The following CACNA1D variants were observed in gnomAD, a reference collection of about 807,000 sequenced individuals.
CACNA1D encodes the protein voltage-dependent L-type calcium channel subunit alpha-1D.
CACNA1D carries 55 observed loss-of-function variants against 257.1 expected under a neutral mutation model. The observed-to-expected ratio is 0.21, with a 90% CI of 0.17 to 0.27. CACNA1D has a LOEUF of 0.27. Among genes scored for constraint, CACNA1D ranks in the 10% least tolerant of loss-of-function variants. The pLI, the probability that CACNA1D is intolerant of heterozygous loss-of-function variation, is 1.00. For synonymous variants in CACNA1D, 980 were observed against 1,014.9 expected, an observed-to-expected ratio of 0.97 and a Z score of 0.65; for missense variants, 1,876 against 2,784.0, an observed-to-expected ratio of 0.67 and a Z score of 7.34.
chr3:53,758,154 A>G (rs1348478376), intron 29 of CACNA1D, among the ~76,000 whole-genome samples: 1 of 152,164 alleles, frequency 6.6e-6, no homozygotes, highest in Non-Finnish European at 1.5e-5. Context: ...GGTAGAGCAG[A>G]GTGGAGCACA....
chr3:53,713,260 T>C (rs529054422), intron 9 of CACNA1D, among the ~76,000 whole-genome samples: 1 of 152,176 alleles, frequency 6.6e-6, no homozygotes, highest in Non-Finnish European at 1.5e-5. Context: ...ATCTTAGAGA[T>C]GATACTGTCC....
intron 3 of CACNA1D, among the ~76,000 whole-genome samples, chr3:53,641,133 G>A (rs1228070404): frequency 6.6e-6 from 1 of 152,170 alleles, no homozygotes; most frequent in Non-Finnish European, 1.5e-5. Flanking sequence ...GGAGGAAGGG[G>A]CATCAGGAGG....
At chr3:53,567,784 G>A (rs1220897590) in intron 3 of CACNA1D, among the ~76,000 whole-genome samples, 1 of 152,214 alleles carries the variant, frequency 6.6e-6, no homozygotes, top group Non-Finnish European at 1.5e-5. Flanking sequence ...GACATGTCTT[G>A]TATACACTGC....
intron 40 of CACNA1D, among the ~76,000 whole-genome samples, chr3:53,788,275 G>A (rs927112878): frequency 6.6e-5 from 10 of 152,138 alleles, no homozygotes; most frequent in African/African-American, 2.2e-4. Context: ...GGGGAAAGAG[G>A]CATATGCGGG....
chr3:53,671,622 T>C (rs2094323798), intron 7 of CACNA1D, among the ~76,000 whole-genome samples: 1 of 152,256 alleles, frequency 6.6e-6, no homozygotes, highest in Non-Finnish European at 1.5e-5. Flanking sequence ...CAATGTAAGA[T>C]GTGCAGACTG....
chr3:53,700,221 C>T (rs967841049), intron 8 of CACNA1D, among the ~76,000 whole-genome samples: 3 of 151,578 alleles, frequency 2.0e-5, no homozygotes, highest in Non-Finnish European at 2.9e-5. Context: ...CCCAAGAACC[C>T]ATATATGATA....
At chr3:53,745,159 G>A (rs909508552) in intron 23 of CACNA1D, among the ~76,000 whole-genome samples, 1 of 151,266 alleles carries the variant, frequency 6.6e-6, no homozygotes, top group African/African-American at 2.4e-5. Flanking sequence ...AGGCTACTGG[G>A]TTTCTGTTTT....
chr3:53,752,637 G>T (rs1378280462), intron 28 of CACNA1D, among the ~76,000 whole-genome samples: 1 of 152,202 alleles, frequency 6.6e-6, no homozygotes, highest in Non-Finnish European at 1.5e-5. Context: ...GACCTCAGGT[G>T]ATCCGTTGCC....
intron 31 of CACNA1D, 106 bp downstream of exon 31, chr3:53,770,123 A>G (rs1040294839): frequency 1.0e-6 from 1 of 985,868 alleles, no homozygotes; most frequent in Non-Finnish European, 1.6e-6. Flanking sequence ...TTGTCCTTCC[A>G]GAACAGTGTC....
intron 34 of CACNA1D, 124 bp from the exon 35 acceptor site, chr3:53,775,762 T>A: frequency 1.1e-6 from 1 of 950,080 alleles, no homozygotes; most frequent in Non-Finnish European, 1.7e-6. Flanking sequence ...TTCCATTAAT[T>A]CAAATTGGAT....
chr3:53,773,020 G>A (rs981653121), intron 33 of CACNA1D, 122 bp downstream of exon 33: 17 of 830,236 alleles, frequency 2.0e-5, no homozygotes, highest in Admixed American at 1.5e-4. Flanking sequence ...TGCCTCTGCT[G>A]AAGCCTAGGA....
intron 2 of CACNA1D, 27 bp from the exon 3 acceptor site, chr3:53,501,588 C>A: frequency 8.6e-7 from 1 of 1,158,408 alleles, no homozygotes; most frequent in Non-Finnish European, 1.3e-6. Context: ...TTCCATAACA[C>A]ATATATACCT....
At chr3:53,669,125 T>C (rs2094298173) in intron 7 of CACNA1D, among the ~76,000 whole-genome samples, 1 of 152,244 alleles carries the variant, frequency 6.6e-6, no homozygotes, top group Admixed American at 6.5e-5. Flanking sequence ...AAGATTTTAC[T>C]CTCTGAAACA....
chr3:53,506,280 T>G (rs573857903), intron 3 of CACNA1D, among the ~76,000 whole-genome samples: 1 of 152,334 alleles, frequency 6.6e-6, no homozygotes, highest in South Asian at 2.1e-4. Flanking sequence ...ATCTGAGTAC[T>G]TGCTTTCCCT....
At chr3:53,707,018 T>C (rs1355903420) in intron 9 of CACNA1D, among the ~76,000 whole-genome samples, 4 of 152,126 alleles carry the variant, frequency 2.6e-5, no homozygotes, top group Non-Finnish European at 5.9e-5. Context: ...GGAAAACAAA[T>C]CTGTTAACTA....
chr3:53,643,648 A>G (rs2093987538), intron 3 of CACNA1D, among the ~76,000 whole-genome samples: 3 of 152,040 alleles, frequency 2.0e-5, no homozygotes, highest in Non-Finnish European at 4.4e-5. Context: ...TTGTTTTCCA[A>G]CTGGAAGAGA....
chr3:53,722,623 A>G, intron 12 of CACNA1D, 149 bp downstream of exon 12: 1 of 843,518 alleles, frequency 1.2e-6, no homozygotes, highest in East Asian at 2.6e-5. Flanking sequence ...AGACACAGCA[A>G]CTACCAGAGC....
At position 53,646,308 on chromosome 3, in the gene CACNA1D, A is replaced by G. The variant is rs716747; in HGVS notation, c.484-4471A>G. 3.1e-4 allele frequency among the ~76,000 whole-genome samples: 47 copies of G among 152,346 alleles called. No individual in the cohort carries two copies. In the East Asian group the frequency reaches 8.5e-3, roughly 27 times the overall value. On this transcript the variant is annotated intron_variant, in intron 3 of 47. Transcript: ENST00000350061. Reference sequence around the variant, plus strand: ...AGATATTGAGATCAGCTGTTGTCCTAGCAGTTTGACTCTTTATTTCAGGCT... The same window carrying G: ...AGATATTGAGATCAGCTGTTGTCCTGGCAGTTTGACTCTTTATTTCAGGCT...
rs754529056 is a variant in CACNA1D, at chr3:53,772,901, A to G, written c.4110+3A>G. On this transcript the variant is annotated splice_donor_region_variant and intron_variant, in intron 33 of 47. Coordinates refer to ENST00000350061, the MANE Select transcript of CACNA1D (RefSeq NM_001128840.3). Reference sequence around the variant, plus strand: ...TCTATGCGGTCATTGGCATGCAGGTAAGCTCCAGCCATCTCGCCCTCAGGG... The same window carrying G: ...TCTATGCGGTCATTGGCATGCAGGTGAGCTCCAGCCATCTCGCCCTCAGGG... 6.2e-7 allele frequency: 1 copy of G among 1,613,552 alleles called. No individual in the cohort carries two copies. The highest frequency in any genetic ancestry group is 1.1e-5 in the South Asian group (1 of 91,068).
Sources: gnomAD v4.1 joint callset for allele counts (sites outside exome capture counted in the v4.1 genomes callset) on GRCh38, gnomAD v4.1.1 for gene constraint, MANE v1.5 for transcripts, NCBI Gene and HGNC (gene_info 2026-07-23, HGNC 2026-07-21) for gene names.